SRGAP3: variants seen among roughly 807,000 people sequenced by gnomAD.
SRGAP3 encodes the protein SLIT-ROBO Rho GTPase activating protein 3.
In SRGAP3, 39 loss-of-function variants were observed where a neutral mutation model predicts 121.1. The observed-to-expected ratio is 0.32, with a 90% CI of 0.25 to 0.42. SRGAP3 has a LOEUF of 0.42. Ranked by LOEUF, SRGAP3 falls within the 10% of genes least tolerant of loss-of-function variation. SRGAP3 has a pLI of 1.00. For missense variants in SRGAP3, 1,213 were observed against 1,470.6 expected (o/e 0.82, Z 2.86); for synonymous variants, 601 against 570.0 (o/e 1.05, Z -0.77).
rs1952372509 is a variant in SRGAP3 at position 9,209,500 on chromosome 3, T to C, written c.67+39385A>G. On this transcript the variant is annotated intron_variant, in intron 1 of 21. Transcript: ENST00000383836. ...AGATTAGACTATTAATTCCGGCCCATATTGACAAGTGTGTGAGGACAGTGG... is the reference window on the plus strand; with the variant it reads ...AGATTAGACTATTAATTCCGGCCCACATTGACAAGTGTGTGAGGACAGTGG... Among the ~76,000 whole-genome samples the C allele has an allele frequency of 2.6e-5, 4 of 152,312 alleles. No individual in the cohort carries two copies. In the South Asian group the frequency reaches 6.2e-4, roughly 24 times the overall value.
intron 1 of SRGAP3, among the ~76,000 whole-genome samples, chr3:9,241,647 C>T (rs1953642173): frequency 6.6e-6 from 1 of 152,140 alleles, no homozygotes; most frequent in African/African-American, 2.4e-5. Flanking sequence ...ATGTTTATGT[C>T]CCCCAAAAAT....
chr3:9,013,632 T>G, intron 16 of SRGAP3, 97 bp from the exon 17 acceptor site: 1 of 1,551,994 alleles, frequency 6.4e-7, no homozygotes. Context: ...TCCAGGAGGG[T>G]TCCATGTTCT....
intron 10 of SRGAP3, among the ~76,000 whole-genome samples, chr3:9,039,705 C>T (rs906176775): frequency 2.0e-5 from 3 of 152,178 alleles, no homozygotes; most frequent in Admixed American, 6.5e-5. Flanking sequence ...TTTGCGTAGT[C>T]GAGACATTTT....
At chr3:9,128,567 A>C (rs920781110) in intron 1 of SRGAP3, among the ~76,000 whole-genome samples, 5 of 152,250 alleles carry the variant, frequency 3.3e-5, no homozygotes, top group African/African-American at 1.2e-4. Flanking sequence ...TATGGTATTT[A>C]TCCTATGACC....
intron 3 of SRGAP3, among the ~76,000 whole-genome samples, chr3:9,259,186 C>T (rs10222369): frequency 0.23 from 34,404 of 150,858 alleles, 4,581 homozygotes; most frequent in African/African-American, 0.37. Flanking sequence ...CCTAACCAAA[C>T]GACTACTCCA....
chr3:9,176,726 G>A (rs141610917), intron 1 of SRGAP3, among the ~76,000 whole-genome samples: 1 of 152,044 alleles, frequency 6.6e-6, no homozygotes, highest in Non-Finnish European at 1.5e-5. Context: ...AGCAAGTGGG[G>A]GGCGGGGAGG....
intron 1 of SRGAP3, among the ~76,000 whole-genome samples, chr3:9,126,687 C>T (rs554251365): frequency 6.6e-6 from 1 of 151,844 alleles, no homozygotes; most frequent in South Asian, 2.1e-4. Context: ...GTTCATGTTA[C>T]ACATGTTCTC....
In SRGAP3 at chr3:9,257,744, G is replaced by T. The variant is rs181016034; in HGVS notation, n.442+68266C>A. ...TTTTTTGAGACAGTCTCACTCTGTC[G>T]TCCAGGCTGGAGCACAGTAGCATGA... On this transcript the variant is annotated intron_variant and non_coding_transcript_variant, in intron 3 of 3. Transcript: ENST00000490889. Among the ~76,000 whole-genome samples, 4 of 110,178 alleles carry T rather than the reference G, an allele frequency of 3.6e-5. No homozygotes were observed. The East Asian group carries it at 8.8e-4, about 24-fold the overall frequency. The allele number at this position is 110,178 out of a possible 152,430, so 72.3% of individuals were successfully genotyped here. A position where few individuals can be genotyped will look rare whatever the true frequency, so the allele number is the denominator to read the frequency against.
chr3:9,301,295 C>T lies in SRGAP3; in HGVS notation n.442+24715G>A, dbSNP rs776288303. Among the ~76,000 whole-genome samples the T allele has an allele frequency of 4.6e-5, 7 of 152,230 alleles. No individual in the cohort carries two copies. In the South Asian group the frequency reaches 1.2e-3, roughly 27 times the overall value. On this transcript the variant is annotated intron_variant and non_coding_transcript_variant, in intron 3 of 3. Transcript: ENST00000490889. ...CCTGAGTCACTGAGCCCTTGCATTA[C>T]ATCCGGGATGGCCCAGAAGTTAAGT...
intron 1 of SRGAP3, among the ~76,000 whole-genome samples, chr3:9,169,189 A>T (rs1162661802): frequency 6.6e-6 from 1 of 152,198 alleles, no homozygotes; most frequent in Non-Finnish European, 1.5e-5. Context: ...AATATTGGGG[A>T]GCATGAAATA....
At chr3:9,345,013 G>GT (rs2125291695) in intron 1 of SRGAP3, among the ~76,000 whole-genome samples, 1 of 152,164 alleles carries the variant, frequency 6.6e-6, no homozygotes, top group Admixed American at 6.5e-5. Flanking sequence ...CTCCAGCCTG[G>GT]TGACAGAGCG....
chr3:9,240,769 T>C (rs1404993422), intron 1 of SRGAP3, among the ~76,000 whole-genome samples: 1 of 152,192 alleles, frequency 6.6e-6, no homozygotes, highest in East Asian at 1.9e-4. Context: ...ATTTCCAGGT[T>C]GGTGGTGGAC....
At chr3:9,307,097 C>T (rs767874368) in intron 3 of SRGAP3, among the ~76,000 whole-genome samples, 15 of 152,244 alleles carry the variant, frequency 9.9e-5, no homozygotes, top group South Asian at 4.1e-4. Flanking sequence ...CACAGCCTCC[C>T]GAGTAGTTGG....
chr3:9,187,442 T>A (rs1201972192), intron 1 of SRGAP3, among the ~76,000 whole-genome samples: 1 of 152,012 alleles, frequency 6.6e-6, no homozygotes, highest in African/African-American at 2.4e-5. Flanking sequence ...GTGCTCCACA[T>A]CCTTTCTCTC....
chr3:9,050,405 AGCCTGGG>A lies in SRGAP3; in HGVS notation c.1323+2615_1323+2621del, dbSNP rs2125152773. Among the ~76,000 whole-genome samples the A allele has an allele frequency of 2.0e-5, 3 of 152,350 alleles. No individual in the cohort carries two copies. In the South Asian group the frequency reaches 6.2e-4, roughly 32 times the overall value. On this transcript the variant is annotated intron_variant, in intron 9 of 21. Coordinates refer to ENST00000383836, the MANE Select transcript of SRGAP3 (RefSeq NM_014850.4). Reference sequence around the variant, plus strand: ...TCATCCACTGGTTAGCGCAAATTACAGCCTGGGGCTCTGTAGCTCATCTCTGTCCGCC... The same window carrying A: ...TCATCCACTGGTTAGCGCAAATTACAGCTCTGTAGCTCATCTCTGTCCGCC...
At chr3:9,340,080 C>T (rs1955758170) in intron 1 of SRGAP3, among the ~76,000 whole-genome samples, 1 of 152,094 alleles carries the variant, frequency 6.6e-6, no homozygotes, top group Admixed American at 6.6e-5. Context: ...GTTCAGGCAC[C>T]AAATTGTGCT....
chr3:9,245,775 T>C (rs539938603), intron 1 of SRGAP3, among the ~76,000 whole-genome samples: 3 of 152,076 alleles, frequency 2.0e-5, no homozygotes, highest in Non-Finnish European at 2.9e-5. Flanking sequence ...AATACAAAAA[T>C]TGGCCACATG....
intron 1 of SRGAP3, among the ~76,000 whole-genome samples, chr3:9,229,907 G>A (rs1294975423): frequency 3.3e-5 from 5 of 152,078 alleles, no homozygotes; most frequent in East Asian, 1.9e-4. Flanking sequence ...TGGTAACCTC[G>A]GTTTATTGAG....
At chr3:9,345,111 T>C (rs975573045) in intron 1 of SRGAP3, among the ~76,000 whole-genome samples, 1 of 152,150 alleles carries the variant, frequency 6.6e-6, no homozygotes, top group Non-Finnish European at 1.5e-5. Context: ...AAAGGTCTTA[T>C]CCAATACTTC....
Sources: gnomAD v4.1 joint callset for allele counts (sites outside exome capture counted in the v4.1 genomes callset) on GRCh38, gnomAD v4.1.1 for gene constraint, MANE v1.5 for transcripts, NCBI Gene and HGNC (gene_info 2026-07-23, HGNC 2026-07-21) for gene names.